PRICKLE1: variants seen among roughly 807,000 people sequenced by gnomAD.
PRICKLE1 encodes the protein prickle planar cell polarity protein 1.
A neutral mutation model predicts 70.2 loss-of-function variants in PRICKLE1; 14 were observed. The ratio of observed to expected loss-of-function variants is 0.20; its 90% CI spans 0.13 to 0.31. The LOEUF is 0.31. PRICKLE1 is among the 10% of genes least tolerant of loss of function. The pLI is 1.00. For synonymous variants in PRICKLE1, 357 were observed against 379.9 expected, an observed-to-expected ratio of 0.94 and a Z score of 0.70; for missense variants, 821 against 1,026.2, an observed-to-expected ratio of 0.80 and a Z score of 2.73.
At position 42,527,916 on chromosome 12, in the gene PRICKLE1, A is replaced by ACT. The variant is rs1259916068; in HGVS notation, c.-48-55353_-48-55352insAG. Among the ~76,000 whole-genome samples the ACT allele has an allele frequency of 5.8e-3, 116 of 20,142 alleles. 19 individuals carry two copies. Among genetic ancestry groups the ACT allele is most frequent in the African/African-American group, 0.016 (104 of 6,676 alleles). 13.2% of individuals were successfully genotyped at this position (20,142 alleles called of 152,430 possible). ...ACTGGAGTTTATATATACTCTTTAT[A>ACT]ATATATATATATATATATATATATA... On this transcript the variant is annotated intron_variant, in intron 1 of 7. Transcript: ENST00000345127.
intron 1 of PRICKLE1, among the ~76,000 whole-genome samples, chr12:42,522,157 G>A (rs1281976054): frequency 6.6e-6 from 1 of 151,974 alleles, no homozygotes; most frequent in Admixed American, 6.6e-5. Context: ...TGTATTTTTA[G>A]TAGAGGCGGG....
intron 7 of PRICKLE1, among the ~76,000 whole-genome samples, chr12:42,463,931 ATG>A (rs1270577941): frequency 6.6e-5 from 10 of 152,106 alleles, no homozygotes; most frequent in Non-Finnish European, 1.2e-4. Flanking sequence ...CACCTCACAC[ATG>A]TGTTTGTTTT....
At chr12:42,558,189 A>G (rs1383773238) in intron 1 of PRICKLE1, among the ~76,000 whole-genome samples, 1 of 152,278 alleles carries the variant, frequency 6.6e-6, no homozygotes, top group Non-Finnish European at 1.5e-5. Flanking sequence ...AATAAAATGT[A>G]ATACTTACAC....
chr12:42,574,416 T>G (rs1225770219), intron 1 of PRICKLE1, among the ~76,000 whole-genome samples: 1 of 152,246 alleles, frequency 6.6e-6, no homozygotes, highest in Non-Finnish European at 1.5e-5. Context: ...TGAACCCCAC[T>G]GTCTGTGGAC....
rs1048647838 is a variant in PRICKLE1 at position 42,456,803 on chromosome 12, T to C, written c.*3006A>G. 6 of 152,242 alleles carry C rather than the reference T, an allele frequency of 3.9e-5. No homozygotes were observed. Among genetic ancestry groups the C allele is most frequent in the Non-Finnish European group, 8.8e-5 (6 of 68,046 alleles). 9.4% of individuals were successfully genotyped at this position (152,242 alleles called of 1,614,324 possible). ...TTCTTGCCAATTCTTTACAGAACTG[T>C]AAGGCAGTTGCTTCTTTCTTCCGTT... is the stretch of plus-strand genomic sequence containing the variant. On this transcript the variant is annotated 3_prime_UTR_variant, in exon 8 of 8. Transcript: ENST00000345127.
Position 42,459,857 on chromosome 12 carries a change from T to C in PRICKLE1, c.2448A>G (p.Lys816=). ...CCTTGTGTCCCTTTTTCTTCTTGGATTTTGTTGTCCTCTGACCAAACTGAG... is the reference window on the plus strand; with the variant it reads ...CCTTGTGTCCCTTTTTCTTCTTGGACTTTGTTGTCCTCTGACCAAACTGAG... The part of the protein sequence containing the change: ...PTPQFGQRTT[K]SKKKKGHKGK... The change falls in exon 8 of 8, where the codon AAA becomes AAG. Residue 816 remains lysine, a synonymous_variant. Coordinates refer to ENST00000345127, the MANE Select transcript of PRICKLE1 (RefSeq NM_153026.3). The C allele has an allele frequency of 6.2e-7, 1 of 1,614,210 alleles. No individual in the cohort carries two copies. The highest frequency in any genetic ancestry group is 8.5e-7 in the Non-Finnish European group (1 of 1,180,038).
chr12:42,561,426 T>C (rs1940511300), intron 1 of PRICKLE1, among the ~76,000 whole-genome samples: 1 of 152,232 alleles, frequency 6.6e-6, no homozygotes, highest in African/African-American at 2.4e-5. Context: ...TTCTACTCCA[T>C]TCAACTTGTA....
intron 1 of PRICKLE1, among the ~76,000 whole-genome samples, chr12:42,491,810 T>C (rs2140171271): frequency 6.7e-6 from 1 of 148,370 alleles, no homozygotes; most frequent in South Asian, 2.2e-4. Flanking sequence ...GAGCCGGAGT[T>C]TCACTCTTAT....
At chr12:42,505,419 G>C (rs138068327) in intron 1 of PRICKLE1, among the ~76,000 whole-genome samples, 2 of 152,202 alleles carry the variant, frequency 1.3e-5, no homozygotes, top group African/African-American at 4.8e-5. Flanking sequence ...ATGGGAATTA[G>C]GTTGCCTTTG....
chr12:42,549,699 A>G (rs1041813422), intron 1 of PRICKLE1, among the ~76,000 whole-genome samples: 1 of 152,108 alleles, frequency 6.6e-6, no homozygotes, highest in African/African-American at 2.4e-5. Flanking sequence ...CACCTCCTCT[A>G]ATCTATCCAT....
At chr12:42,559,569 T>A (rs1940465443) in intron 1 of PRICKLE1, among the ~76,000 whole-genome samples, 2 of 147,018 alleles carry the variant, frequency 1.4e-5, no homozygotes, top group Admixed American at 1.4e-4. Context: ...CACAAATGTA[T>A]ATATATATGT....
chr12:42,487,817 G>A (rs1360316812), intron 1 of PRICKLE1, among the ~76,000 whole-genome samples: 6 of 152,158 alleles, frequency 3.9e-5, no homozygotes, highest in Non-Finnish European at 7.3e-5. Flanking sequence ...AGGCCAAGGC[G>A]GGTGGATCAC....
chr12:42,481,825 A>G (rs1305640591), intron 1 of PRICKLE1, among the ~76,000 whole-genome samples: 1 of 151,866 alleles, frequency 6.6e-6, no homozygotes, highest in Admixed American at 6.6e-5. Context: ...TTTCCAGTAA[A>G]AGAGACACTA....
chr12:42,501,338 T>C (rs1488068615), intron 1 of PRICKLE1, among the ~76,000 whole-genome samples: 2 of 151,804 alleles, frequency 1.3e-5, no homozygotes, highest in East Asian at 3.9e-4. Flanking sequence ...CCCCATGTTT[T>C]GTATTTTGTA....
intron 1 of PRICKLE1, among the ~76,000 whole-genome samples, chr12:42,575,377 T>A (rs953302139): frequency 6.6e-6 from 1 of 152,078 alleles, no homozygotes; most frequent in African/African-American, 2.4e-5. Context: ...AAGAGTACAG[T>A]TAATCTTATA....
At chr12:42,527,955 ATATATATATATATATATCTC>A (rs1566114328) in intron 1 of PRICKLE1, among the ~76,000 whole-genome samples, 4 of 36,608 alleles carry the variant, frequency 1.1e-4, no homozygotes, top group Admixed American at 3.4e-4. Flanking sequence ...ATATATATAT[ATATATATATATATATATCTC>A]CAAAGTTTTA....
chr12:42,485,262 T>G (rs1339684425), intron 1 of PRICKLE1: 1 of 141,372 alleles, frequency 7.1e-6, no homozygotes, highest in Non-Finnish European at 1.6e-5. Context: ...TTTTTTTTTT[T>G]TTTTTTTGTT....
intron 1 of PRICKLE1, among the ~76,000 whole-genome samples, chr12:42,580,100 C>T (rs534255531): frequency 1.3e-5 from 2 of 152,206 alleles, no homozygotes; most frequent in African/African-American, 4.8e-5. Context: ...GTCTCGAACT[C>T]TTGGCCTCAA....
chr12:42,529,359 A>G (rs983093879), intron 1 of PRICKLE1, among the ~76,000 whole-genome samples: 5 of 152,262 alleles, frequency 3.3e-5, no homozygotes, highest in African/African-American at 1.2e-4. Flanking sequence ...GGTAAAAGAA[A>G]TATAAATGAA....
Sources: allele counts gnomAD v4.1 joint callset (sites outside exome capture counted in the v4.1 genomes callset), GRCh38; gene constraint gnomAD v4.1.1; transcripts MANE v1.5; gene names NCBI Gene and HGNC (gene_info 2026-07-23, HGNC 2026-07-21).